Variants in IL1RAPL1 observed in about 807,000 individuals in gnomAD.
IL1RAPL1 encodes interleukin-1 receptor accessory protein-like 1.
IL1RAPL1 carries 3 observed loss-of-function variants against 48.4 expected under a neutral mutation model. The observed-to-expected ratio is 0.06, with a 90% CI of 0.03 to 0.16. The LOEUF is 0.16. Ranked by LOEUF, IL1RAPL1 falls within the 10% of genes least tolerant of loss-of-function variation. The pLI is 1.00. For synonymous variants in IL1RAPL1, 185 were observed against 187.7 expected, an observed-to-expected ratio of 0.99 and a Z score of 0.12; for missense variants, 349 against 530.6, an observed-to-expected ratio of 0.66 and a Z score of 3.36.
chrX:28,666,955 A>G (rs910520763), intron 1 of IL1RAPL1, among the ~76,000 whole-genome samples: 1 of 112,042 alleles, frequency 8.9e-6, no homozygotes, highest in African/African-American at 3.2e-5. Flanking sequence ...TCTATTTGCT[A>G]TATATTAACA....
intron 2 of IL1RAPL1, among the ~76,000 whole-genome samples, chrX:28,971,876 TTGTGTGTG>T (rs3066657): frequency 6.2e-4 from 52 of 84,473 alleles, no homozygotes; most frequent in Admixed American, 4.5e-3. Context: ...ACTCTGAAAA[TTGTGTGTG>T]TGTGTGTGTG....
chrX:28,686,319 A>G (rs774378214), intron 1 of IL1RAPL1, among the ~76,000 whole-genome samples: 2 of 112,258 alleles, frequency 1.8e-5, no homozygotes, highest in East Asian at 5.6e-4. Flanking sequence ...AACCACTAGA[A>G]TTTGATTATC....
At chrX:28,652,886 G>A (rs1435999669) in intron 1 of IL1RAPL1, among the ~76,000 whole-genome samples, 1 of 109,609 alleles carries the variant, frequency 9.1e-6, no homozygotes, top group Non-Finnish European at 1.9e-5. Flanking sequence ...TCATGGTGGG[G>A]GCAGGGGACT....
chrX:29,723,924 C>T (rs1034285120), intron 6 of IL1RAPL1, among the ~76,000 whole-genome samples: 23 of 110,779 alleles, frequency 2.1e-4, no homozygotes, highest in African/African-American at 6.9e-4. Flanking sequence ...AAATGATTCC[C>T]CTGCCTCAGT....
At chrX:29,666,941 G>T (rs1488238497) in intron 5 of IL1RAPL1, among the ~76,000 whole-genome samples, 1 of 111,476 alleles carries the variant, frequency 9.0e-6, no homozygotes, top group Non-Finnish European at 1.9e-5. Flanking sequence ...CCTATTAATG[G>T]CAAACTATTT....
intron 2 of IL1RAPL1, among the ~76,000 whole-genome samples, chrX:29,265,401 A>G (rs1400793896): frequency 9.1e-6 from 1 of 110,221 alleles, no homozygotes; most frequent in Admixed American, 9.7e-5. Flanking sequence ...TTTTGGTTAG[A>G]TTTTAGATTT....
chrX:28,725,160 A>C (rs1422338495), intron 1 of IL1RAPL1, among the ~76,000 whole-genome samples: 1 of 109,248 alleles, frequency 9.2e-6, no homozygotes, highest in Non-Finnish European at 1.9e-5. Flanking sequence ...CCGTGTTAGC[A>C]AGGATGGTCT....
At chrX:28,873,820 C>A (rs1333494561) in intron 2 of IL1RAPL1, among the ~76,000 whole-genome samples, 2 of 109,720 alleles carry the variant, frequency 1.8e-5, no homozygotes, top group African/African-American at 3.3e-5. Flanking sequence ...CATGAGCCAC[C>A]GCACCTGGCC....
At chrX:29,309,867 G>A (rs1235695766) in intron 3 of IL1RAPL1, among the ~76,000 whole-genome samples, 2 of 106,846 alleles carry the variant, frequency 1.9e-5, no homozygotes, top group Non-Finnish European at 3.9e-5. Flanking sequence ...TGGCCGAGGT[G>A]GGTGGATCAC....
intron 3 of IL1RAPL1, among the ~76,000 whole-genome samples, chrX:29,356,714 G>A (rs1474801028): frequency 3.6e-5 from 4 of 111,016 alleles, no homozygotes; most frequent in African/African-American, 6.5e-5. Context: ...CGCAAATAAT[G>A]CTACAGTGAA....
chrX:29,566,041 C>T (rs764413487), intron 5 of IL1RAPL1, among the ~76,000 whole-genome samples: 1 of 110,117 alleles, frequency 9.1e-6, no homozygotes, highest in Non-Finnish European at 1.9e-5. Context: ...CTCTGCCTCC[C>T]GGGTTCACGC....
intron 2 of IL1RAPL1, among the ~76,000 whole-genome samples, chrX:29,020,185 G>C (rs192557874): frequency 3.6e-5 from 4 of 112,298 alleles, no homozygotes; most frequent in African/African-American, 1.3e-4. Flanking sequence ...TCCAGAAACC[G>C]AAGAATTTCA....
chrX:29,331,248 C>G (rs1932883364), intron 3 of IL1RAPL1, among the ~76,000 whole-genome samples: 1 of 111,550 alleles, frequency 9.0e-6, no homozygotes, highest in Non-Finnish European at 1.9e-5. Context: ...TAGATACCCA[C>G]TGTATAGAAA....
At chrX:29,202,140 A>T (rs1230968935) in intron 2 of IL1RAPL1, among the ~76,000 whole-genome samples, 1 of 112,653 alleles carries the variant, frequency 8.9e-6, no homozygotes, top group Non-Finnish European at 1.9e-5. Context: ...AATATCCAGC[A>T]TCTATAGGGA....
intron 6 of IL1RAPL1, among the ~76,000 whole-genome samples, chrX:29,852,447 G>T (rs1931389637): frequency 8.9e-6 from 1 of 111,845 alleles, no homozygotes; most frequent in Admixed American, 9.5e-5. Context: ...TGTCACTCTT[G>T]GGCAGTTCTT....
intron 6 of IL1RAPL1, among the ~76,000 whole-genome samples, chrX:29,714,647 T>TA (rs1424060172): frequency 8.9e-6 from 1 of 111,908 alleles, no homozygotes; most frequent in East Asian, 2.8e-4. Flanking sequence ...CTGAACCTAT[T>TA]AAAAACCCCA....
chrX:29,017,709 C>T (rs1029744240), intron 2 of IL1RAPL1, among the ~76,000 whole-genome samples: 1 of 111,678 alleles, frequency 9.0e-6, no homozygotes, highest in Non-Finnish European at 1.9e-5. Flanking sequence ...ACCACCACTA[C>T]ATTCATAGAA....
At chrX:28,695,471 T>C (rs1407262193) in intron 1 of IL1RAPL1, among the ~76,000 whole-genome samples, 1 of 111,979 alleles carries the variant, frequency 8.9e-6, no homozygotes, top group Non-Finnish European at 1.9e-5. Context: ...CCTCAGACTT[T>C]CAGGGTGTTA....
At chrX:29,292,107 G>C (rs920777238) in intron 3 of IL1RAPL1, among the ~76,000 whole-genome samples, 2 of 111,933 alleles carry the variant, frequency 1.8e-5, no homozygotes, top group Non-Finnish European at 3.8e-5. Flanking sequence ...TTGTCAATGA[G>C]AAAGCACTCA....
Sources: gnomAD v4.1 joint callset for allele counts (sites outside exome capture counted in the v4.1 genomes callset) on GRCh38, gnomAD v4.1.1 for gene constraint, MANE v1.5 for transcripts, NCBI Gene and HGNC (gene_info 2026-07-23, HGNC 2026-07-21) for gene names.